Variants in CRACD observed in about 807,000 individuals in gnomAD.
The protein encoded by CRACD is capping protein-inhibiting regulator of actin dynamics.
CRACD carries 56 observed loss-of-function variants against 106.8 expected under a neutral mutation model. That is an observed-to-expected ratio of 0.52 (90% confidence interval 0.42 to 0.66). The LOEUF is 0.66. CRACD is among the 30% of genes least tolerant of loss of function. The probability of loss-of-function intolerance (pLI) is 0.00; values close to 1 mark genes in which losing one functional copy is unlikely to be tolerated. For synonymous variants in CRACD, 754 were observed against 670.8 expected (o/e 1.12, Z -1.92); for missense variants, 1,730 against 1,623.2 (o/e 1.07, Z -1.13).
At chr4:56,077,841 T>C (rs563348368) in intron 1 of CRACD, among the ~76,000 whole-genome samples, 1 of 152,292 alleles carries the variant, frequency 6.6e-6, no homozygotes, top group East Asian at 1.9e-4. Context: ...ACTGCTGCAA[T>C]AGGGTTATGA....
rs558400318 is a variant in CRACD, at chr4:56,241,909, A to G, written c.-188-30412A>G. Among the ~76,000 whole-genome samples, 4 of 152,354 alleles carry G rather than the reference A, an allele frequency of 2.6e-5. No individual in the cohort carries two copies. The South Asian group carries it at 8.3e-4, about 32-fold the overall frequency. On this transcript the variant is annotated intron_variant, in intron 2 of 10. Transcript: ENST00000682029. ...GTGAGCAAAACTAGGAGGCTGTAAG[A>G]AAGTCTGGTTCTTTCATGTCAAAAT...
chr4:56,289,114 C>A (rs775158443), intron 3 of CRACD, among the ~76,000 whole-genome samples: 1 of 151,842 alleles, frequency 6.6e-6, no homozygotes, highest in Non-Finnish European at 1.5e-5. Context: ...CCAGGGACTG[C>A]GGAGAGGGGA....
intron 1 of CRACD, among the ~76,000 whole-genome samples, chr4:56,147,998 A>G (rs1368946522): frequency 6.6e-6 from 1 of 152,212 alleles, no homozygotes; most frequent in Non-Finnish European, 1.5e-5. Context: ...AAGGTCAGAG[A>G]CACAAGGGAT....
intron 2 of CRACD, among the ~76,000 whole-genome samples, chr4:56,249,133 C>T (rs1366924113): frequency 1.4e-5 from 2 of 147,946 alleles, no homozygotes; most frequent in East Asian, 4.1e-4. Context: ...AGTTGTAGAT[C>T]CCTGAGGAAT....
At chr4:56,111,797 C>T (rs930040862) in intron 1 of CRACD, among the ~76,000 whole-genome samples, 4 of 152,130 alleles carry the variant, frequency 2.6e-5, no homozygotes, top group Non-Finnish European at 2.9e-5. Context: ...GGATTACAGG[C>T]GTGAGCCAAC....
intron 3 of CRACD, among the ~76,000 whole-genome samples, chr4:56,294,612 T>C (rs149781417): frequency 1.3e-5 from 2 of 152,144 alleles, no homozygotes; most frequent in East Asian, 3.9e-4. Flanking sequence ...TGTATGTGTA[T>C]ATGTATAAAT....
At chr4:56,182,937 A>G (rs1736902126) in intron 2 of CRACD, among the ~76,000 whole-genome samples, 1 of 149,054 alleles carries the variant, frequency 6.7e-6, no homozygotes, top group Admixed American at 6.7e-5. Flanking sequence ...CTTGCAATAG[A>G]ATTAGGGGAT....
intron 3 of CRACD, among the ~76,000 whole-genome samples, chr4:56,277,573 T>G (rs1742747739): frequency 6.6e-6 from 1 of 152,158 alleles, no homozygotes; most frequent in Non-Finnish European, 1.5e-5. Context: ...TGTGATCCCC[T>G]TAAGATCAGG....
intron 1 of CRACD, among the ~76,000 whole-genome samples, chr4:56,061,254 T>C (rs1732260716): frequency 6.6e-6 from 1 of 152,194 alleles, no homozygotes; most frequent in Non-Finnish European, 1.5e-5. Context: ...CACGGCAGCC[T>C]CGACCTCCGG....
intron 1 of CRACD, among the ~76,000 whole-genome samples, chr4:56,140,237 C>T (rs1735145593): frequency 6.6e-6 from 1 of 152,186 alleles, no homozygotes; most frequent in Non-Finnish European, 1.5e-5. Flanking sequence ...GTCTCTCAGG[C>T]ATAGTCACTG....
At chr4:56,057,978 C>T (rs1296739223) in intron 1 of CRACD, among the ~76,000 whole-genome samples, 1 of 119,458 alleles carries the variant, frequency 8.4e-6, no homozygotes, top group Non-Finnish European at 1.7e-5. Flanking sequence ...GCTACCACGC[C>T]CAGCTAATTT....
At chr4:56,225,648 A>G (rs139866825) in intron 2 of CRACD, among the ~76,000 whole-genome samples, 195 of 152,282 alleles carry the variant, frequency 1.3e-3, no homozygotes, top group African/African-American at 4.6e-3. Flanking sequence ...TTATAAAGGG[A>G]AAAAATCATA....
In CRACD at chr4:56,313,396, C is replaced by A; in HGVS notation, c.537+17C>A. On this transcript the variant is annotated intron_variant, in intron 7 of 10. Transcript: ENST00000682029. ...CTTGCCCAGGTGTGTAGAGCCTGCA[C>A]GGGCTGACCAGGCAGGTGCCCTTGC... The A allele has an allele frequency of 1.2e-6, 2 of 1,602,300 alleles. No homozygotes were observed. Among genetic ancestry groups the A allele is most frequent in the Non-Finnish European group, 1.7e-6 (2 of 1,172,806 alleles).
At chr4:56,241,620 C>T (rs895652995) in intron 2 of CRACD, among the ~76,000 whole-genome samples, 8 of 152,168 alleles carry the variant, frequency 5.3e-5, no homozygotes, top group African/African-American at 1.9e-4. Context: ...GGACCTTGCC[C>T]TCCAGGAGTT....
At chr4:56,126,586 A>G (rs1734667022) in intron 1 of CRACD, among the ~76,000 whole-genome samples, 1 of 152,180 alleles carries the variant, frequency 6.6e-6, no homozygotes, top group African/African-American at 2.4e-5. Flanking sequence ...TCTCCAGTTT[A>G]TATCTTTGTA....
At chr4:56,283,230 C>T (rs1217281525) in intron 3 of CRACD, among the ~76,000 whole-genome samples, 1 of 152,132 alleles carries the variant, frequency 6.6e-6, no homozygotes, top group Non-Finnish European at 1.5e-5. Context: ...GGGCAGCCTC[C>T]TGGGGAGAAG....
At chr4:56,129,561 A>G (rs764365860) in intron 1 of CRACD, among the ~76,000 whole-genome samples, 1 of 152,190 alleles carries the variant, frequency 6.6e-6, no homozygotes, top group Non-Finnish European at 1.5e-5. Context: ...GATGTGCTGC[A>G]CCGTGGGGCT....
In CRACD at chr4:56,315,499, C is replaced by T; in HGVS notation, c.1997C>T (p.Ala666Val). 6.2e-7 allele frequency: 1 copy of T among 1,613,564 alleles called. No homozygotes were observed. Among genetic ancestry groups the T allele is most frequent in the Non-Finnish European group, 8.5e-7 (1 of 1,179,892 alleles). The change falls in exon 8 of 11, where the codon GCA becomes GTA. Residue 666 changes from alanine to valine, a missense_variant. Around this residue, in one of 5 missense-constraint regions of CRACD, gnomAD observed 1,620 missense variants for 1,481.6 expected, o/e 1.09. Coordinates refer to ENST00000682029, the MANE Select transcript of CRACD (RefSeq NM_001393381.1). This position sits in a 1 kb window ranked among gnomAD's most constrained non-coding sequence, Gnocchi z 4.1. ...QESPSSASAL[A>V]EWASIRSRIL... Reference sequence around the variant, plus strand: ...TCTCCCAGCAGCGCGTCCGCACTCGCAGAATGGGCTTCCATTCGGTCCAGA... The same window carrying T: ...TCTCCCAGCAGCGCGTCCGCACTCGTAGAATGGGCTTCCATTCGGTCCAGA...
chr4:56,244,182 A>C (rs1740539477), intron 2 of CRACD, among the ~76,000 whole-genome samples: 1 of 152,126 alleles, frequency 6.6e-6, no homozygotes. Context: ...TGAAACAGGG[A>C]GTAGCCCTGG....
Sources: gnomAD v4.1 joint callset for allele counts (sites outside exome capture counted in the v4.1 genomes callset) on GRCh38, gnomAD v4.1.1 for gene constraint, gnomAD v4.1.1 regional missense constraint, Gnocchi (gnomAD v3.1) non-coding constraint, MANE v1.5 for transcripts, NCBI Gene and HGNC (gene_info 2026-07-23, HGNC 2026-07-21) for gene names.